The following ZNF236 variants were observed in gnomAD, a reference collection of about 807,000 sequenced individuals.
ZNF236 encodes regulated by glucose.
ZNF236 carries 50 observed loss-of-function variants against 191.2 expected under a neutral mutation model. That is an observed-to-expected ratio of 0.26 (90% CI 0.21 to 0.33). ZNF236 has a LOEUF of 0.33. Among genes scored for constraint, ZNF236 ranks in the 10% least tolerant of loss-of-function variants. ZNF236 has a pLI of 1.00. For missense variants in ZNF236, 1,754 were observed against 2,374.5 expected (o/e 0.74, Z 5.43); for synonymous variants, 907 against 928.8 (o/e 0.98, Z 0.43).
chr18:76,848,485 G>A (rs919518054), intron 1 of ZNF236, among the ~76,000 whole-genome samples: 3 of 152,108 alleles, frequency 2.0e-5, no homozygotes, highest in Admixed American at 6.5e-5. Context: ...TTTTTGACAA[G>A]TTTTGTGATT....
chr18:76,845,797 A>G (rs6565921), intron 1 of ZNF236, among the ~76,000 whole-genome samples: 106,931 of 151,832 alleles, frequency 0.7, 38,396 homozygotes, highest in African/African-American at 0.84. Flanking sequence ...TGCAGTGAGC[A>G]GAGATCGCAC....
Position 76,969,857 on chromosome 18 carries a change from CTTTTG to C in ZNF236, c.*1521_*1525del, listed in dbSNP as rs879906101. On this transcript the variant is annotated 3_prime_UTR_variant, in exon 31 of 31. Transcript: ENST00000320610. ...AGTAATATTGACGGTGATATGAAAA[CTTTTG>C]TTATGTGAAGATATTTAAGTCAGAA... The C allele has an allele frequency of 6.6e-6, 1 of 152,470 alleles. No homozygotes were observed. Among genetic ancestry groups the C allele is most frequent in the Non-Finnish European group, 1.5e-5 (1 of 68,002 alleles). 9.4% of individuals were successfully genotyped at this position (152,470 alleles called of 1,614,324 possible).
At chr18:76,961,060 G>T (rs944562127) in intron 30 of ZNF236, among the ~76,000 whole-genome samples, 4 of 152,186 alleles carry the variant, frequency 2.6e-5, no homozygotes, top group African/African-American at 9.7e-5. Context: ...GGTTACATGA[G>T]TAAGTTCTGT....
chr18:76,852,872 T>C (rs2122521184), intron 3 of ZNF236, among the ~76,000 whole-genome samples: 1 of 152,304 alleles, frequency 6.6e-6, no homozygotes, highest in African/African-American at 2.4e-5. Flanking sequence ...GATTTTACAG[T>C]GGTGTGAAAG....
chr18:76,882,286 G>A (rs1415730547), intron 9 of ZNF236, among the ~76,000 whole-genome samples: 2 of 152,128 alleles, frequency 1.3e-5, no homozygotes, highest in Admixed American at 6.5e-5. Flanking sequence ...GCTCCTCCTC[G>A]TGGATGGACT....
rs766719933 is a variant in ZNF236 at position 76,904,376 on chromosome 18, G to A, written c.1895-4G>A. On this transcript the variant is annotated splice_polypyrimidine_tract_variant and splice_region_variant and intron_variant, in intron 11 of 30. Coordinates refer to ENST00000320610, the MANE Select transcript of ZNF236 (RefSeq NM_001306089.2). ...ATTACATCTGCTTTTCTTTTGCTTT[G>A]TAGGTCTCATCCAGCCCATTCCAAA... 1 of 1,593,702 alleles carries A rather than the reference G, an allele frequency of 6.3e-7. No individual in the cohort carries two copies. Among genetic ancestry groups the A allele is most frequent in the South Asian group, 1.1e-5 (1 of 87,342 alleles).
At chr18:76,923,318 G>T (rs746948683) in intron 21 of ZNF236, 144 bp downstream of exon 21, 7 of 557,142 alleles carry the variant, frequency 1.3e-5, no homozygotes, top group East Asian at 1.2e-4. Context: ...TGATATAAAA[G>T]ATTTTTTTAT....
At chr18:76,858,078 C>T (rs1976099720) in intron 3 of ZNF236, among the ~76,000 whole-genome samples, 1 of 152,106 alleles carries the variant, frequency 6.6e-6, no homozygotes, top group Non-Finnish European at 1.5e-5. Flanking sequence ...TTAGTTTTCC[C>T]TGCCATCCTC....
chr18:76,945,841 A>T (rs190395875), intron 26 of ZNF236, among the ~76,000 whole-genome samples: 3 of 152,358 alleles, frequency 2.0e-5, no homozygotes, highest in African/African-American at 7.2e-5. Flanking sequence ...AATTAGGCTG[A>T]TATATGGAGA....
chr18:76,910,039 C>T (rs770979718), intron 14 of ZNF236, 29 bp from the exon 15 acceptor site: 11 of 1,546,072 alleles, frequency 7.1e-6, no homozygotes, highest in East Asian at 4.5e-5. Context: ...CAAATGTATG[C>T]GTCCCCCTTT....
At chr18:76,897,694 T>C (rs1977473541) in intron 10 of ZNF236, among the ~76,000 whole-genome samples, 1 of 151,744 alleles carries the variant, frequency 6.6e-6, no homozygotes. Context: ...AAGTACTACA[T>C]ATAGTAACAA....
At chr18:76,824,294 C>A in intron 1 of ZNF236, 1 of 780,936 alleles carries the variant, frequency 1.3e-6, no homozygotes, top group Non-Finnish European at 2.4e-6. Flanking sequence ...GTAGAGTTAA[C>A]ACACGTGCAC....
chr18:76,871,775 A>C lies in ZNF236; in HGVS notation c.617A>C (p.Lys206Thr), dbSNP rs1976591276. ...GFTYSCPHCGKTFQKPSQLTR... is the reference protein window; with the variant it reads ...GFTYSCPHCGTTFQKPSQLTR... The stretch of plus-strand genomic sequence containing the variant: ...ACGTATTCGTGTCCGCACTGTGGAA[A>C]GACGTTTCAAAAGCCAAGCCAGTTA... Residue 206 changes from lysine (K) to threonine (T), a missense_variant, in exon 5 of 31, where the codon AAG becomes ACG. Physicochemically the swap from Lys to Thr is moderately conservative, Grantham distance 78 (BLOSUM62 -1). Around this residue, in one of 5 missense-constraint regions of ZNF236, gnomAD observed 336 missense variants for 495.1 expected, o/e 0.68. Transcript: ENST00000320610. 1 of 1,614,120 alleles carries C rather than the reference A, an allele frequency of 6.2e-7. No individual in the cohort carries two copies. Among genetic ancestry groups the C allele is most frequent in the Non-Finnish European group, 8.5e-7 (1 of 1,180,054 alleles).
rs776395759 is a variant in ZNF236 at position 76,922,900 on chromosome 18, C to T, written c.3558-171C>T. 3.3e-5 allele frequency among the ~76,000 whole-genome samples: 5 copies of T among 152,228 alleles called. 1 individual carries two copies. In the Middle Eastern group the frequency reaches 0.01, roughly 311 times the overall value. ...TTATTATTTGTCCTGCAAATATTTTCGTTGTTATTTGGATTTGTTTATGGT... is the reference window on the plus strand; with the variant it reads ...TTATTATTTGTCCTGCAAATATTTTTGTTGTTATTTGGATTTGTTTATGGT... On this transcript the variant is annotated intron_variant, in intron 20 of 30. Transcript: ENST00000320610.
chr18:76,892,654 G>A (rs569037054), intron 9 of ZNF236, among the ~76,000 whole-genome samples: 1 of 152,116 alleles, frequency 6.6e-6, no homozygotes, highest in East Asian at 1.9e-4. Flanking sequence ...CATAACCTCT[G>A]CCTCCCGGGT....
intron 1 of ZNF236, among the ~76,000 whole-genome samples, chr18:76,844,710 A>C (rs1409125611): frequency 6.6e-6 from 1 of 152,208 alleles, no homozygotes; most frequent in South Asian, 2.1e-4. Flanking sequence ...GGAATGCTAT[A>C]AATGCAATAA....
intron 5 of ZNF236, among the ~76,000 whole-genome samples, chr18:76,872,302 G>A (rs559422864): frequency 4.4e-4 from 67 of 152,216 alleles, no homozygotes; most frequent in Non-Finnish European, 4.9e-4. Context: ...GCAACATAGC[G>A]AGATCCTGTC....
chr18:76,846,254 G>C (rs1003348533), intron 1 of ZNF236, among the ~76,000 whole-genome samples: 1 of 152,202 alleles, frequency 6.6e-6, no homozygotes, highest in African/African-American at 2.4e-5. Context: ...GCCCAGCCAG[G>C]ATGCATTAAT....
At chr18:76,827,442 C>T (rs1447834077) in intron 1 of ZNF236, among the ~76,000 whole-genome samples, 5 of 152,186 alleles carry the variant, frequency 3.3e-5, no homozygotes, top group Non-Finnish European at 7.3e-5. Context: ...CACGTGGCCT[C>T]CCAAAGTGCT....
Sources: gnomAD v4.1 joint callset for allele counts (sites outside exome capture counted in the v4.1 genomes callset) on GRCh38, gnomAD v4.1.1 for gene constraint, gnomAD v4.1.1 regional missense constraint, MANE v1.5 for transcripts, NCBI Gene and HGNC (gene_info 2026-07-23, HGNC 2026-07-21) for gene names.